Variants in PABIR3 observed in about 807,000 individuals in gnomAD.
PABIR3 encodes the protein PABIR family member 1.
PABIR3 carries 20 observed loss-of-function variants against 23.1 expected under a neutral mutation model. That is an observed-to-expected ratio of 0.86 (90% CI 0.61 to 1.26). PABIR3 has a LOEUF of 1.26. Ranked by LOEUF, PABIR3 falls within the 50% of genes most tolerant of loss-of-function variation. The probability of loss-of-function intolerance (pLI) is 0.00; values close to 1 mark genes in which losing one functional copy is unlikely to be tolerated. For synonymous variants in PABIR3, 69 were observed against 68.5 expected, an observed-to-expected ratio of 1.01 and a Z score of -0.04; for missense variants, 189 against 195.4, an observed-to-expected ratio of 0.97 and a Z score of 0.20.
intron 6 of PABIR3, among the ~76,000 whole-genome samples, chrX:134,845,979 T>G (rs1458943878): frequency 8.9e-6 from 1 of 111,967 alleles, no homozygotes; most frequent in African/African-American, 3.2e-5. Context: ...TATGCCTGTG[T>G]GTTAGTCCGT....
intron 3 of PABIR3, among the ~76,000 whole-genome samples, chrX:134,816,841 T>C (rs976717563): frequency 8.9e-5 from 10 of 112,385 alleles, no homozygotes; most frequent in African/African-American, 2.9e-4. Flanking sequence ...ATCTCTAGAA[T>C]ACATTTTAGT....
At chrX:134,848,979 G>A (rs2082529066) in intron 8 of PABIR3, among the ~76,000 whole-genome samples, 188 bp from the exon 9 acceptor site, 1 of 111,553 alleles carries the variant, frequency 9.0e-6, no homozygotes, top group Non-Finnish European at 1.9e-5. Context: ...CTCCAGCCTC[G>A]GTGACAAGAG....
intron 8 of PABIR3, among the ~76,000 whole-genome samples, chrX:134,848,724 G>A (rs1016725887): frequency 1.2e-4 from 13 of 111,807 alleles, no homozygotes; most frequent in African/African-American, 3.3e-4. Context: ...TAAAATGGCC[G>A]AGCATGGTGG....
chrX:134,858,147 A>G (rs1370654673), downstream of PABIR3, among the ~76,000 whole-genome samples: 10 of 111,969 alleles, frequency 8.9e-5, no homozygotes, highest in Admixed American at 1.9e-4. Context: ...CTACCTCTCA[A>G]TGCAGAAATC....
chrX:134,821,103 T>C (rs934033108), intron 3 of PABIR3, among the ~76,000 whole-genome samples: 1 of 103,260 alleles, frequency 9.7e-6, no homozygotes, highest in African/African-American at 3.5e-5. Context: ...TATATATATA[T>C]ATGGGTGTGT....
At chrX:134,827,299 C>T (rs2081548774) in intron 3 of PABIR3, among the ~76,000 whole-genome samples, 1 of 111,413 alleles carries the variant, frequency 9.0e-6, no homozygotes, top group Non-Finnish European at 1.9e-5. Flanking sequence ...CATCTTCCCT[C>T]CACTCACTAA....
chrX:134,847,538 T>C, intron 7 of PABIR3, 63 bp downstream of exon 7: 1 of 819,219 alleles, frequency 1.2e-6, no homozygotes, highest in South Asian at 2.3e-5. Context: ...TTAGGAACAT[T>C]AATGGTCACC....
intron 4 of PABIR3, among the ~76,000 whole-genome samples, chrX:134,829,846 C>T (rs1043628061): frequency 8.9e-6 from 1 of 112,059 alleles, no homozygotes; most frequent in African/African-American, 3.2e-5. Flanking sequence ...AAGCATAATA[C>T]AGAATTCAAC....
At chrX:134,855,889 G>C (rs1481447528), downstream of PABIR3, among the ~76,000 whole-genome samples, 2 of 111,864 alleles carry the variant, frequency 1.8e-5, no homozygotes, top group Non-Finnish European at 3.8e-5. Flanking sequence ...TTACTTGCCA[G>C]CCCTTTAGTG....
rs1345812880 is a variant in PABIR3 at position 134,807,575 on chromosome X, G to A, written c.-24G>A. The A allele has an allele frequency of 8.3e-7, 1 of 1,210,383 alleles. No individual in the cohort carries two copies. The highest frequency in any genetic ancestry group is 3.0e-5 in the East Asian group (1 of 33,792). On this transcript the variant is annotated 5_prime_UTR_variant, in exon 2 of 11. Coordinates refer to ENST00000645433, the MANE Select transcript of PABIR3 (RefSeq NM_001388447.1). ...GTGTGGACGGGAGCCGGAAAGCCTT[G>A]AGAACTTATTCCTCGACCCGGACAT...
At chrX:134,828,012 T>TCG (rs2081580438) in intron 3 of PABIR3, among the ~76,000 whole-genome samples, 1 of 48,204 alleles carries the variant, frequency 2.1e-5, no homozygotes, top group Non-Finnish European at 3.6e-5. Flanking sequence ...AGCTCAGTGC[T>TCG]CTCTCTCTCT....
chrX:134,863,298 G>C, the PABIR3 span, among the ~76,000 whole-genome samples: 1 of 111,548 alleles, frequency 9.0e-6, no homozygotes, highest in Non-Finnish European at 1.9e-5. Flanking sequence ...TTATATGAGA[G>C]ACACTCAATT....
upstream of PABIR3, chrX:134,807,114 A>G: frequency 1.3e-6 from 1 of 755,659 alleles, no homozygotes. Flanking sequence ...GGCAAAGCTG[A>G]CTAAGGCGCC....
intron 3 of PABIR3, chrX:134,822,314 G>A: frequency 1.3e-6 from 1 of 751,402 alleles, no homozygotes; most frequent in Non-Finnish European, 1.6e-6. Context: ...AACGCCACTT[G>A]TAGTACTTAA....
At chrX:134,842,992 G>C (rs2082289402) in intron 4 of PABIR3, among the ~76,000 whole-genome samples, 1 of 109,788 alleles carries the variant, frequency 9.1e-6, no homozygotes, top group Non-Finnish European at 1.9e-5. Context: ...CACAAGGTCA[G>C]GAGTTCAAGA....
rs868608470 is a variant in PABIR3 at position 134,839,457 on chromosome X, A to G, written c.247-5748A>G. The stretch of plus-strand genomic sequence containing the variant: ...TGAGAAGTGAGGAGCCCCTCCGCCC[A>G]GCAGCCGCCCCGTCTGAGAAGTGAG... On this transcript the variant is annotated intron_variant, in intron 4 of 10. Coordinates refer to ENST00000645433, the MANE Select transcript of PABIR3 (RefSeq NM_001388447.1). The G allele has an allele frequency of 8.7e-3, 1,047 of 120,974 alleles. 14 individuals are homozygous for G. Among genetic ancestry groups the G allele is most frequent in the African/African-American group, 0.039 (1,016 of 25,780 alleles). 10.0% of individuals were successfully genotyped at this position (120,974 alleles called of 1,213,427 possible).
In PABIR3 at chrX:134,829,756, TTG is replaced by T. The variant is rs368474286; in HGVS notation, c.246+478_246+479del. ...CATGCACGTCTCTGTGTTTGTGTGT[TTG>T]TGTTTGTGTATGTGGTTGGGAGGGT... On this transcript the variant is annotated intron_variant, in intron 4 of 10. Transcript: ENST00000645433. Among the ~76,000 whole-genome samples the T allele has an allele frequency of 1.4e-3, 162 of 111,953 alleles. 1 individual carries two copies. Among genetic ancestry groups the T allele is most frequent in the African/African-American group, 5.1e-3 (157 of 30,876 alleles).
chrX:134,836,906 C>T (rs2148291785), intron 4 of PABIR3, among the ~76,000 whole-genome samples: 1 of 111,294 alleles, frequency 9.0e-6, no homozygotes, highest in African/African-American at 3.3e-5. Flanking sequence ...AAGTAAAAAT[C>T]AATAAGAAGA....
chrX:134,842,557 G>A (rs1158396056), intron 4 of PABIR3, among the ~76,000 whole-genome samples: 3 of 110,746 alleles, frequency 2.7e-5, no homozygotes, highest in Non-Finnish European at 5.7e-5. Context: ...GCAGTGAGCC[G>A]AGATCGCGCC....
Sources: allele counts gnomAD v4.1 joint callset (sites outside exome capture counted in the v4.1 genomes callset), GRCh38; gene constraint gnomAD v4.1.1; transcripts MANE v1.5; gene names NCBI Gene and HGNC (gene_info 2026-07-23, HGNC 2026-07-21).